Variants in FBXW7 observed in about 807,000 individuals in gnomAD.
FBXW7 encodes the protein F-box/WD repeat-containing protein 7.
Under a neutral mutation model 86.3 loss-of-function variants are expected in FBXW7, and 11 were observed. The observed-to-expected ratio is 0.13, with a 90% CI of 0.08 to 0.21. The LOEUF (loss-of-function observed/expected upper bound fraction) is 0.21, where lower values mean the gene tolerates loss of function less well. Among genes scored for constraint, FBXW7 ranks in the 10% least tolerant of loss-of-function variants. FBXW7 has a pLI of 1.00. For missense variants in FBXW7, 488 were observed against 847.4 expected (o/e 0.58, Z 5.27); for synonymous variants, 313 against 297.9 (o/e 1.05, Z -0.52).
chr4:152,362,828 C>CAA (rs35796895), intron 4 of FBXW7, among the ~76,000 whole-genome samples: 4,575 of 78,542 alleles, frequency 0.058, 223 homozygotes, highest in Non-Finnish European at 0.07. Context: ...CTCTCTCTCT[C>CAA]AAAAAAAAAA....
chr4:152,386,128 G>A (rs1735507054), intron 4 of FBXW7, among the ~76,000 whole-genome samples: 1 of 152,004 alleles, frequency 6.6e-6, no homozygotes, highest in South Asian at 2.1e-4. Flanking sequence ...TAAAGTCTGA[G>A]TCTCAATTCT....
intron 4 of FBXW7, among the ~76,000 whole-genome samples, chr4:152,384,970 G>T (rs1735407346): frequency 6.6e-6 from 1 of 152,000 alleles, no homozygotes; most frequent in Non-Finnish European, 1.5e-5. Flanking sequence ...TCCAACATAA[G>T]ACTAATTGTT....
intron 4 of FBXW7, among the ~76,000 whole-genome samples, chr4:152,394,785 C>T (rs1275651586): frequency 6.6e-6 from 1 of 152,046 alleles, no homozygotes; most frequent in Non-Finnish European, 1.5e-5. Context: ...CTCAATAACA[C>T]TATGTGGTAG....
At chr4:152,408,260 G>A (rs1453838577) in intron 4 of FBXW7, among the ~76,000 whole-genome samples, 5 of 152,136 alleles carry the variant, frequency 3.3e-5, no homozygotes, top group Non-Finnish European at 7.4e-5. Context: ...TGTTTTTCAT[G>A]TTAGTAGAAA....
chr4:152,340,503 C>A (rs1387077004), intron 6 of FBXW7, among the ~76,000 whole-genome samples: 1 of 142,470 alleles, frequency 7.0e-6, no homozygotes, highest in Non-Finnish European at 1.5e-5. Context: ...GGCGTGAACC[C>A]GGGAGGAGCT....
intron 2 of FBXW7, among the ~76,000 whole-genome samples, chr4:152,470,664 T>C (rs1399529748): frequency 6.6e-6 from 1 of 152,086 alleles, no homozygotes; most frequent in African/African-American, 2.4e-5. Context: ...ATAGTACAAA[T>C]CCTTTGCATC....
intron 7 of FBXW7, among the ~76,000 whole-genome samples, chr4:152,337,445 T>A (rs763267915): frequency 4.6e-5 from 7 of 152,012 alleles, no homozygotes; most frequent in East Asian, 1.9e-4. Context: ...GTCAGAATTT[T>A]AAAAAATCTA....
chr4:152,440,553 T>A (rs1338794912), intron 2 of FBXW7, among the ~76,000 whole-genome samples: 2 of 152,238 alleles, frequency 1.3e-5, no homozygotes, highest in Non-Finnish European at 2.9e-5. Flanking sequence ...TATTTAAGTT[T>A]ACCTGAAATT....
chr4:152,322,109 A>G lies in FBXW7; in HGVS notation c.*772T>C. On this transcript the variant is annotated 3_prime_UTR_variant, in exon 14 of 14. Transcript: ENST00000281708. ...TTTAGCAGCATAAATAAGTTTGGCC[A>G]CTGGGAGTACAGTACAGGGTTGGGA... is the stretch of plus-strand genomic sequence containing the variant. 2 of 233,252 alleles carry G rather than the reference A, an allele frequency of 8.6e-6. No individual in the cohort carries two copies. The highest frequency in any genetic ancestry group is 1.7e-5 in the Non-Finnish European group (2 of 117,756). The allele number at this position is 233,252 out of a possible 1,614,324, so 14.4% of individuals were successfully genotyped here.
chr4:152,415,496 G>A (rs1738346386), intron 2 of FBXW7, among the ~76,000 whole-genome samples: 1 of 152,050 alleles, frequency 6.6e-6, no homozygotes, highest in African/African-American at 2.4e-5. Context: ...ATTCTTAAAA[G>A]AGCCAACACC....
chr4:152,399,648 T>C (rs2126835917), intron 4 of FBXW7, among the ~76,000 whole-genome samples: 1 of 152,266 alleles, frequency 6.6e-6, no homozygotes, highest in South Asian at 2.1e-4. Context: ...TCAATTATTT[T>C]CCTACACACC....
chr4:152,486,832 T>C (rs1034566466), intron 2 of FBXW7, among the ~76,000 whole-genome samples: 1 of 152,190 alleles, frequency 6.6e-6, no homozygotes, highest in Non-Finnish European at 1.5e-5. Flanking sequence ...ATATGTGCTA[T>C]ACTTTTAGAC....
chr4:152,382,088 A>T, intron 4 of FBXW7: 1 of 759,466 alleles, frequency 1.3e-6, no homozygotes, highest in Admixed American at 3.0e-5. Context: ...GATAGTTTTA[A>T]TTTTAAATAA....
intron 2 of FBXW7, among the ~76,000 whole-genome samples, chr4:152,418,164 A>C (rs1209014746): frequency 2.8e-5 from 4 of 142,284 alleles, no homozygotes; most frequent in African/African-American, 5.4e-5. Flanking sequence ...CACACACACA[A>C]AATCCACTTA....
chr4:152,350,467 C>T (rs1485459955), intron 4 of FBXW7, among the ~76,000 whole-genome samples: 1 of 151,658 alleles, frequency 6.6e-6, no homozygotes, highest in East Asian at 1.9e-4. Context: ...TTAATCCACA[C>T]AGAAAATAAT....
At position 152,387,708 on chromosome 4, in the gene FBXW7, C is replaced by CTTTTTTTTTTTTTTTT. The variant is rs34073737; in HGVS notation, c.501+23579_501+23594dup. Among the ~76,000 whole-genome samples, 16 of 112,794 alleles carry CTTTTTTTTTTTTTTTT rather than the reference C, an allele frequency of 1.4e-4. 1 individual carries two copies. The highest frequency in any genetic ancestry group is 5.7e-4 in the African/African-American group (16 of 28,134). The allele number at this position is 112,794 out of a possible 152,430, so 74.0% of individuals were successfully genotyped here. ...ATCAAAGAAAAAAAACATGGCATAC[C>CTTTTTTTTTTTTTTTT]TTTTTTTTTTTTTTTTTTGAGACTG... On this transcript the variant is annotated intron_variant, in intron 4 of 13. Coordinates refer to ENST00000281708, the MANE Select transcript of FBXW7 (RefSeq NM_001349798.2).
chr4:152,498,211 T>TTACTATTTGC (rs1380640551), intron 2 of FBXW7, among the ~76,000 whole-genome samples: 2 of 151,874 alleles, frequency 1.3e-5, no homozygotes, highest in African/African-American at 4.8e-5. Flanking sequence ...AGACTGCAAA[T>TTACTATTTGC]AGTAAGCTTA....
chr4:152,534,351 T>C (rs1269444461), intron 2 of FBXW7, among the ~76,000 whole-genome samples: 1 of 152,174 alleles, frequency 6.6e-6, no homozygotes, highest in Non-Finnish European at 1.5e-5. Flanking sequence ...TTGTGATTCC[T>C]AACAACTCAA....
At chr4:152,338,059 C>T in intron 6 of FBXW7, 123 bp from the exon 7 acceptor site, 1 of 827,490 alleles carries the variant, frequency 1.2e-6, no homozygotes, top group Non-Finnish European at 1.7e-6. Flanking sequence ...TAAAAAGTGG[C>T]TCCTTATAGT....
Sources: allele counts gnomAD v4.1 joint callset (sites outside exome capture counted in the v4.1 genomes callset), GRCh38; gene constraint gnomAD v4.1.1; transcripts MANE v1.5; gene names NCBI Gene and HGNC (gene_info 2026-07-23, HGNC 2026-07-21).